The following PHF21B variants were observed in gnomAD, a reference collection of about 807,000 sequenced individuals.
The protein encoded by PHF21B is PHD finger protein 4.
In PHF21B, 22 loss-of-function variants were observed where a neutral mutation model predicts 62.2. The observed-to-expected ratio is 0.35, with a 90% confidence interval of 0.25 to 0.51. PHF21B has a LOEUF of 0.51. Ranked by LOEUF, PHF21B falls within the 20% of genes least tolerant of loss-of-function variation. The pLI, the probability that PHF21B is intolerant of heterozygous loss-of-function variation, is 0.97. For missense variants in PHF21B, 701 were observed against 707.9 expected, an observed-to-expected ratio of 0.99 and a Z score of 0.11; for synonymous variants, 341 against 314.7, an observed-to-expected ratio of 1.08 and a Z score of -0.88.
intron 2 of PHF21B, among the ~76,000 whole-genome samples, chr22:44,955,076 CA>C (rs1327621867): frequency 6.6e-6 from 1 of 152,218 alleles, no homozygotes; most frequent in Non-Finnish European, 1.5e-5. Context: ...CAGCTGCGTC[CA>C]GCCTGAGGGG....
chr22:44,914,355 C>T (rs1224972714), intron 4 of PHF21B, among the ~76,000 whole-genome samples: 1 of 152,200 alleles, frequency 6.6e-6, no homozygotes, highest in Non-Finnish European at 1.5e-5. Flanking sequence ...CAGTCCTGCC[C>T]CACCGCTTCC....
intron 2 of PHF21B, among the ~76,000 whole-genome samples, chr22:44,987,211 G>C (rs558848676): frequency 6.6e-6 from 1 of 152,298 alleles, no homozygotes; most frequent in South Asian, 2.1e-4. Context: ...AAGCTGCTGA[G>C]GGGTGAATGA....
rs1450114204 is a variant in PHF21B at position 45,004,624 on chromosome 22, G to C, written c.120+3921C>G. ...ACCTTTCTGGAGGAGAGTAAGCTTGGGAGGAGAGTTCGGAAAACAGAAAGT... is the reference window on the plus strand; with the variant it reads ...ACCTTTCTGGAGGAGAGTAAGCTTGCGAGGAGAGTTCGGAAAACAGAAAGT... On this transcript the variant is annotated intron_variant, in intron 2 of 12. Coordinates refer to ENST00000313237, the MANE Select transcript of PHF21B (RefSeq NM_138415.5). Among the ~76,000 whole-genome samples the C allele has an allele frequency of 2.0e-5, 3 of 152,166 alleles. No homozygotes were observed. The East Asian group carries it at 5.8e-4, about 29-fold the overall frequency.
rs543622320 is a variant in PHF21B at position 44,973,771 on chromosome 22, C to G, written c.120+34774G>C. Among the ~76,000 whole-genome samples, 21 of 152,100 alleles carry G rather than the reference C, an allele frequency of 1.4e-4. No homozygotes were observed. In the South Asian group the frequency reaches 2.3e-3, roughly 17 times the overall value. On this transcript the variant is annotated intron_variant, in intron 2 of 12. Coordinates refer to ENST00000313237, the MANE Select transcript of PHF21B (RefSeq NM_138415.5). ...CAAGACAGTGTAAGGGTGGGGTCGC[C>G]ATGGGAGAGGAAAGTGTGGCTCTTG...
chr22:44,909,241 A>T (rs971787415), intron 5 of PHF21B, among the ~76,000 whole-genome samples: 7 of 152,260 alleles, frequency 4.6e-5, no homozygotes, highest in African/African-American at 1.4e-4. Flanking sequence ...TAAATGCACA[A>T]TAATTGACTA....
chr22:44,967,442 C>T (rs1365513328), intron 2 of PHF21B, among the ~76,000 whole-genome samples: 3 of 152,078 alleles, frequency 2.0e-5, no homozygotes, highest in East Asian at 1.9e-4. Context: ...AGGATAGTCT[C>T]GATCTCCTGA....
At chr22:44,958,133 C>A (rs1471019591) in intron 2 of PHF21B, among the ~76,000 whole-genome samples, 1 of 152,176 alleles carries the variant, frequency 6.6e-6, no homozygotes, top group Admixed American at 6.5e-5. Flanking sequence ...GAACTCCCGA[C>A]CTCAGGTGAT....
At chr22:44,916,764 G>C in intron 3 of PHF21B, 134 bp from the exon 4 acceptor site, 1 of 830,346 alleles carries the variant, frequency 1.2e-6, no homozygotes, top group Non-Finnish European at 1.9e-6. Context: ...GCCTGTCACG[G>C]CCTCACAGCA....
At chr22:44,896,120 C>T (rs574927559) in intron 5 of PHF21B, 37 bp from the exon 6 acceptor site, 2 of 1,611,322 alleles carry the variant, frequency 1.2e-6, no homozygotes, top group African/African-American at 2.7e-5. Context: ...ATTAACACAA[C>T]CGTCAAAGTT....
chr22:44,884,665 GCACCAT>G (rs1419865613), intron 12 of PHF21B, among the ~76,000 whole-genome samples: 1 of 43,710 alleles, frequency 2.3e-5, no homozygotes, highest in Non-Finnish European at 4.6e-5. Context: ...ACTGTGGTCT[GCACCAT>G]CACCATCATC....
chr22:44,982,202 C>G (rs2072855401), intron 2 of PHF21B, among the ~76,000 whole-genome samples: 1 of 152,196 alleles, frequency 6.6e-6, no homozygotes, highest in Non-Finnish European at 1.5e-5. Flanking sequence ...AACCCGGTGT[C>G]CCTGCCGCCT....
chr22:44,929,875 G>C (rs2071706286), intron 2 of PHF21B, among the ~76,000 whole-genome samples: 1 of 152,224 alleles, frequency 6.6e-6, no homozygotes, highest in Non-Finnish European at 1.5e-5. Context: ...GCTGGAGGGA[G>C]GGGAGGCGAC....
chr22:44,949,726 G>A (rs963101631), intron 2 of PHF21B, among the ~76,000 whole-genome samples: 20 of 152,170 alleles, frequency 1.3e-4, no homozygotes, highest in Non-Finnish European at 2.9e-4. Context: ...CAGAGAAGAC[G>A]TGTGTGTACC....
At chr22:45,008,425 G>A in intron 2 of PHF21B, 120 bp downstream of exon 2, 2 of 930,406 alleles carry the variant, frequency 2.1e-6, no homozygotes, top group South Asian at 2.3e-5. Context: ...GAGAACTGGA[G>A]ACAGACCCCT....
chr22:44,969,733 TG>T (rs1410547149), intron 2 of PHF21B, among the ~76,000 whole-genome samples: 2 of 152,146 alleles, frequency 1.3e-5, no homozygotes, highest in African/African-American at 2.4e-5. Context: ...CGTGAAAGCC[TG>T]GGGGCCCAGC....
rs535404246 is a variant in PHF21B, at chr22:45,005,088, C to T, written c.120+3457G>A. Among the ~76,000 whole-genome samples, 9 of 152,372 alleles carry T rather than the reference C, an allele frequency of 5.9e-5. No individual in the cohort carries two copies. In the South Asian group the frequency reaches 1.2e-3, roughly 21 times the overall value. On this transcript the variant is annotated intron_variant, in intron 2 of 12. Transcript: ENST00000313237. ...TCCGAAGAGGGGACCTCCACCCACC[C>T]AGTATTTACGCTGGGTCTTTAACTT...
chr22:44,916,691 G>C (rs945676216), intron 3 of PHF21B, 61 bp from the exon 4 acceptor site: 1 of 1,472,684 alleles, frequency 6.8e-7, no homozygotes, highest in Non-Finnish European at 9.4e-7. Context: ...CAGGGGAGGG[G>C]CCGCCCTGGC....
In PHF21B at chr22:44,984,120, CATCACCATCATCATG is replaced by C. The variant is rs1450728283; in HGVS notation, c.120+24410_120+24424del. Among the ~76,000 whole-genome samples, 32 of 3,240 alleles carry C rather than the reference CATCACCATCATCATG, an allele frequency of 9.9e-3. 2 individuals are homozygous for C. The highest frequency in any genetic ancestry group is 0.031 in the African/African-American group (30 of 956). 2.1% of individuals were successfully genotyped at this position (3,240 alleles called of 152,430 possible). On this transcript the variant is annotated intron_variant, in intron 2 of 12. Transcript: ENST00000313237. ...TCACCATCATCACCACCATAACCAC[CATCACCATCATCATG>C]ATCACCATCATCATCACCACCATCA...
At chr22:44,954,746 G>A (rs2072260696) in intron 2 of PHF21B, among the ~76,000 whole-genome samples, 2 of 152,226 alleles carry the variant, frequency 1.3e-5, no homozygotes, top group African/African-American at 4.8e-5. Flanking sequence ...TGTTTGTAGA[G>A]ACCGGGCTTG....
Sources: gnomAD v4.1 joint callset for allele counts (sites outside exome capture counted in the v4.1 genomes callset) on GRCh38, gnomAD v4.1.1 for gene constraint, MANE v1.5 for transcripts, NCBI Gene and HGNC (gene_info 2026-07-23, HGNC 2026-07-21) for gene names.